The following BTG4 variants were observed in gnomAD, a reference collection of about 807,000 sequenced individuals.
The protein encoded by BTG4 is protein BTG4.
A neutral mutation model predicts 19.3 loss-of-function variants in BTG4; 10 were observed. That is an observed-to-expected ratio of 0.52 (90% confidence interval 0.32 to 0.88). The LOEUF is 0.88. BTG4 is among the 40% of genes least tolerant of loss of function. BTG4 has a pLI of 0.04. For synonymous variants in BTG4, 91 were observed against 95.7 expected, an observed-to-expected ratio of 0.95 and a Z score of 0.29; for missense variants, 238 against 281.9, an observed-to-expected ratio of 0.84 and a Z score of 1.11.
At chr11:111,426,791 C>T in the BTG4 span, among the ~76,000 whole-genome samples, 1 of 152,326 alleles carries the variant, frequency 6.6e-6, no homozygotes, top group East Asian at 1.9e-4. Flanking sequence ...CAGGCAGGCC[C>T]GGGCAGGTTT....
At chr11:111,422,645 C>T in the BTG4 span, among the ~76,000 whole-genome samples, 1 of 152,228 alleles carries the variant, frequency 6.6e-6, no homozygotes, top group South Asian at 2.1e-4. Flanking sequence ...CGTGGAAACA[C>T]TCCTATATAG....
the BTG4 span, among the ~76,000 whole-genome samples, chr11:111,412,305 T>A: frequency 6.6e-6 from 1 of 152,230 alleles, no homozygotes; most frequent in Admixed American, 6.5e-5. Flanking sequence ...TTTCAATCCA[T>A]CTTGGAACTA....
the BTG4 span, among the ~76,000 whole-genome samples, chr11:111,425,515 G>A: frequency 3.0e-4 from 46 of 152,280 alleles, no homozygotes; most frequent in South Asian, 2.1e-4. Context: ...TATGATCAGC[G>A]CCTTTTAGAA....
the BTG4 span, chr11:111,459,916 A>C: frequency 6.6e-6 from 1 of 152,256 alleles, no homozygotes; most frequent in South Asian, 2.1e-4. Flanking sequence ...GTCTTCTGCT[A>C]GGGCTGCTGA....
At chr11:111,391,786 C>T in the BTG4 span, among the ~76,000 whole-genome samples, 1 of 152,094 alleles carries the variant, frequency 6.6e-6, no homozygotes, top group African/African-American at 2.4e-5. Flanking sequence ...TTAAAAGTGG[C>T]TTTGGCAACA....
chr11:111,485,642 A>C (rs1865016706), intron 5 of BTG4, among the ~76,000 whole-genome samples: 1 of 152,186 alleles, frequency 6.6e-6, no homozygotes, highest in Non-Finnish European at 1.5e-5. Flanking sequence ...TCCGTCAAAA[A>C]ATAAGAAAAA....
At chr11:111,416,593 G>A in the BTG4 span, 1 of 151,302 alleles carries the variant, frequency 6.6e-6, no homozygotes, top group African/African-American at 2.4e-5. Context: ...TCTTAACAGT[G>A]TGAAACCCCC....
chr11:111,495,421 A>G, intron 4 of BTG4, 107 bp from the exon 5 acceptor site: 1 of 966,408 alleles, frequency 1.0e-6, no homozygotes, highest in East Asian at 2.6e-5. Context: ...GCACAAATGA[A>G]TAGAATTGAA....
At chr11:111,413,564 G>C in the BTG4 span, among the ~76,000 whole-genome samples, 1 of 152,236 alleles carries the variant, frequency 6.6e-6, no homozygotes, top group African/African-American at 2.4e-5. Context: ...AGGAAATTGA[G>C]GCTTACAGTC....
the BTG4 span, among the ~76,000 whole-genome samples, chr11:111,446,705 C>A: frequency 6.6e-6 from 1 of 152,090 alleles, no homozygotes; most frequent in Admixed American, 6.6e-5. Flanking sequence ...GACTCCTCCA[C>A]GCCCTGCTCA....
At chr11:111,386,302 T>C in the BTG4 span, 1 of 152,142 alleles carries the variant, frequency 6.6e-6, no homozygotes, top group Non-Finnish European at 1.5e-5. Flanking sequence ...GCTATAACAA[T>C]GAAAAAAACA....
the BTG4 span, chr11:111,450,840 G>C: frequency 2.6e-5 from 4 of 153,630 alleles, no homozygotes; most frequent in Non-Finnish European, 5.8e-5. Flanking sequence ...GTCCAGACCA[G>C]GATCCAGGTG....
At chr11:111,490,079 C>G (rs139944853), downstream of BTG4, among the ~76,000 whole-genome samples, 1,801 of 149,354 alleles carry the variant, frequency 0.012, 43 homozygotes, top group African/African-American at 0.042. Flanking sequence ...TGAGACCAGC[C>G]TGGCCAACAT....
the BTG4 span, among the ~76,000 whole-genome samples, chr11:111,437,577 ACCAG>A: frequency 3.3e-5 from 5 of 152,158 alleles, no homozygotes; most frequent in Non-Finnish European, 7.4e-5. Context: ...ATGCCAGTGA[ACCAG>A]CCACTGAAGG....
chr11:111,399,523 GC>G, the BTG4 span, among the ~76,000 whole-genome samples: 1 of 152,254 alleles, frequency 6.6e-6, no homozygotes, highest in African/African-American at 2.4e-5. Flanking sequence ...TCACTTTCTA[GC>G]CCCAGGGGAA....
upstream of BTG4, chr11:111,513,157 G>A: frequency 2.6e-6 from 1 of 379,880 alleles, no homozygotes; most frequent in Non-Finnish European, 5.5e-6. Context: ...GCAAGTGCGA[G>A]GAAACCCGCG....
At chr11:111,501,831 A>G (rs968748996) in intron 1 of BTG4, among the ~76,000 whole-genome samples, 2 of 152,206 alleles carry the variant, frequency 1.3e-5, no homozygotes, top group Admixed American at 6.5e-5. Flanking sequence ...TAAAAGGACT[A>G]TGAAATGGGT....
At chr11:111,482,927 C>T (rs550272929) in intron 5 of BTG4, among the ~76,000 whole-genome samples, 138 of 151,672 alleles carry the variant, frequency 9.1e-4, no homozygotes, top group African/African-American at 3.0e-3. Flanking sequence ...TGAATGAATT[C>T]GACTTCATCA....
At chr11:111,452,631 C>T in the BTG4 span, 2 of 152,352 alleles carry the variant, frequency 1.3e-5, no homozygotes, top group South Asian at 4.1e-4. Flanking sequence ...TCTCCAATCC[C>T]CTATAAGTGG....
Sources: gnomAD v4.1 joint callset for allele counts (sites outside exome capture counted in the v4.1 genomes callset) on GRCh38, gnomAD v4.1.1 for gene constraint, MANE v1.5 for transcripts, NCBI Gene and HGNC (gene_info 2026-07-23, HGNC 2026-07-21) for gene names.